The following INSC variants were observed in gnomAD, a reference collection of about 807,000 sequenced individuals.
The protein encoded by INSC is INSC spindle orientation adaptor protein.
A neutral mutation model predicts 58.6 loss-of-function variants in INSC; 67 were observed. The ratio of observed to expected loss-of-function variants is 1.14; its 90% CI spans 0.94 to 1.40. The LOEUF (loss-of-function observed/expected upper bound fraction) is 1.40, where lower values mean the gene tolerates loss of function less well. INSC is among the 40% of genes most tolerant of loss of function. INSC has a pLI of 0.00. For missense variants in INSC, 714 were observed against 692.0 expected (o/e 1.03, Z -0.36); for synonymous variants, 262 against 276.1 (o/e 0.95, Z 0.51).
intron 1 of INSC, among the ~76,000 whole-genome samples, chr11:15,121,983 C>T (rs1847884788): frequency 6.6e-6 from 1 of 152,104 alleles, no homozygotes; most frequent in Non-Finnish European, 1.5e-5. Context: ...TTGCTACAGC[C>T]CTGGAATTAG....
At chr11:15,238,432 G>A (rs1175380283) in intron 10 of INSC, among the ~76,000 whole-genome samples, 1 of 152,182 alleles carries the variant, frequency 6.6e-6, no homozygotes, top group Admixed American at 6.5e-5. Context: ...AGGTGATGTA[G>A]AGAAACCAGT....
Position 15,225,744 on chromosome 11 carries a change from G to C in INSC, c.1086G>C (p.Met362Ile). The change falls in exon 9 of 13, where the codon ATG (methionine) becomes ATC (isoleucine). Residue 362 changes from methionine to isoleucine, a missense_variant. By Grantham distance (10) the Met-to-Ile change is conservative (BLOSUM62 1). Coordinates refer to ENST00000379556, the MANE Select transcript of INSC (RefSeq NM_001042536.3). ...TCTTTGACACAATGGCCTGCGAGAT[G>C]CTCCTGCAGTTGAATGCCATCCGTG... ...ITFFDTMACE[M>I]LLQLNAIRVL... 6.2e-7 allele frequency: 1 copy of C among 1,614,078 alleles called. No homozygotes were observed. Among genetic ancestry groups the C allele is most frequent in the Non-Finnish European group, 8.5e-7 (1 of 1,179,998 alleles).
the INSC span, among the ~76,000 whole-genome samples, chr11:15,266,445 C>G: frequency 6.6e-6 from 1 of 151,958 alleles, no homozygotes; most frequent in East Asian, 1.9e-4. Context: ...GAATGAATTA[C>G]TAAATTTTAC....
intron 2 of INSC, among the ~76,000 whole-genome samples, chr11:15,167,346 G>A (rs935154657): frequency 2.6e-5 from 4 of 152,132 alleles, no homozygotes; most frequent in East Asian, 1.9e-4. Flanking sequence ...GGTAGGCGGA[G>A]GCAAGGATTC....
the INSC span, among the ~76,000 whole-genome samples, chr11:15,269,330 G>C: frequency 3.3e-5 from 5 of 152,024 alleles, no homozygotes; most frequent in South Asian, 1.0e-3. Flanking sequence ...TCTTCTACAT[G>C]TTCCAAGACT....
At chr11:15,118,897 A>G (rs1285884015) in intron 1 of INSC, among the ~76,000 whole-genome samples, 6 of 152,202 alleles carry the variant, frequency 3.9e-5, no homozygotes. Context: ...TTGTTTCATG[A>G]AACCTCTATA....
intron 5 of INSC, among the ~76,000 whole-genome samples, chr11:15,188,514 G>A (rs537278601): frequency 1.3e-5 from 2 of 152,210 alleles, no homozygotes; most frequent in East Asian, 1.9e-4. Flanking sequence ...GGTCCTTTCC[G>A]GCTCTGACAC....
chr11:15,174,655 C>G (rs912810814), intron 2 of INSC, among the ~76,000 whole-genome samples: 1 of 152,238 alleles, frequency 6.6e-6, no homozygotes, highest in Non-Finnish European at 1.5e-5. Flanking sequence ...AACTTGCACT[C>G]AGCCTTAGTC....
chr11:15,217,643 G>A (rs1851269741), intron 7 of INSC, among the ~76,000 whole-genome samples: 1 of 152,072 alleles, frequency 6.6e-6, no homozygotes, highest in South Asian at 2.1e-4. Context: ...CAGACCAAGT[G>A]GCTGGTCAGC....
chr11:15,249,014 G>C (rs1852622045), downstream of INSC, among the ~76,000 whole-genome samples: 1 of 152,178 alleles, frequency 6.6e-6, no homozygotes, highest in African/African-American at 2.4e-5. Flanking sequence ...GGCTTATCCG[G>C]TGGGAGCCAT....
At chr11:15,190,233 C>A (rs1261456070) in intron 5 of INSC, among the ~76,000 whole-genome samples, 1 of 152,202 alleles carries the variant, frequency 6.6e-6, no homozygotes, top group Non-Finnish European at 1.5e-5. Context: ...TTGACTTAAC[C>A]CTTGAACCCA....
chr11:15,134,795 C>T (rs972434177), intron 1 of INSC, among the ~76,000 whole-genome samples: 2 of 151,902 alleles, frequency 1.3e-5, no homozygotes, highest in Non-Finnish European at 2.9e-5. Context: ...GGTGGCTCTA[C>T]TCCAAGCTGT....
intron 2 of INSC, among the ~76,000 whole-genome samples, chr11:15,165,232 C>G (rs531608639): frequency 3.3e-5 from 5 of 152,172 alleles, no homozygotes; most frequent in East Asian, 1.9e-4. Context: ...TATGCGCCAC[C>G]ACTGCCATCT....
intron 12 of INSC, among the ~76,000 whole-genome samples, chr11:15,242,838 A>G (rs969511474): frequency 6.6e-6 from 1 of 152,040 alleles, no homozygotes; most frequent in Non-Finnish European, 1.5e-5. Context: ...AGGTTCCATT[A>G]TCTTTGTCCC....
the INSC span, among the ~76,000 whole-genome samples, chr11:15,252,617 C>G: frequency 6.6e-6 from 1 of 152,092 alleles, no homozygotes; most frequent in Admixed American, 6.6e-5. Context: ...GAGATAGAGG[C>G]CGATAGAATC....
intron 1 of INSC, 55 bp downstream of exon 1, chr11:15,115,058 C>A: frequency 2.1e-6 from 2 of 967,086 alleles, no homozygotes; most frequent in Non-Finnish European, 2.5e-6. Flanking sequence ...CCTCTGCTAG[C>A]CTAGTTGGGA....
intron 7 of INSC, among the ~76,000 whole-genome samples, chr11:15,210,837 A>T (rs764933706): frequency 6.6e-6 from 1 of 151,740 alleles, no homozygotes; most frequent in Non-Finnish European, 1.5e-5. Flanking sequence ...GGGTGGAGGG[A>T]GGATTGAAAG....
intron 9 of INSC, among the ~76,000 whole-genome samples, chr11:15,230,010 T>TA (rs1851853093): frequency 1.1e-4 from 3 of 28,176 alleles, no homozygotes; most frequent in African/African-American, 1.6e-4. Context: ...TATATATATA[T>TA]ATAATATATA....
chr11:15,166,642 T>G (rs1223265864), intron 2 of INSC, among the ~76,000 whole-genome samples: 1 of 152,212 alleles, frequency 6.6e-6, no homozygotes, highest in Admixed American at 6.5e-5. Flanking sequence ...TTTTTTCAAA[T>G]AATCTGGCTT....
Sources: gnomAD v4.1 joint callset for allele counts (sites outside exome capture counted in the v4.1 genomes callset) on GRCh38, gnomAD v4.1.1 for gene constraint, MANE v1.5 for transcripts, NCBI Gene and HGNC (gene_info 2026-07-23, HGNC 2026-07-21) for gene names.